Variants in LCOR observed in about 807,000 individuals in gnomAD.
LCOR encodes ligand dependent nuclear receptor corepressor.
A neutral mutation model predicts 64.4 loss-of-function variants in LCOR; 14 were observed. That is an observed-to-expected ratio of 0.22 (90% CI 0.14 to 0.34). LCOR has a LOEUF of 0.34. Among genes scored for constraint, LCOR ranks in the 10% least tolerant of loss-of-function variants. The probability of loss-of-function intolerance (pLI) is 1.00; values close to 1 mark genes in which losing one functional copy is unlikely to be tolerated. For synonymous variants in LCOR, 643 were observed against 642.5 expected (o/e 1.00, Z -0.01); for missense variants, 1,686 against 1,765.3 (o/e 0.96, Z 0.80).
intron 4 of LCOR, among the ~76,000 whole-genome samples, chr10:96,915,426 C>G (rs1408436047): frequency 6.6e-6 from 1 of 152,148 alleles, no homozygotes; most frequent in Non-Finnish European, 1.5e-5. Flanking sequence ...GAGGCTGAGG[C>G]AGGAGAATCA....
chr10:96,960,723 G>T (rs1203993548), intron 7 of LCOR: 1 of 152,090 alleles, frequency 6.6e-6, no homozygotes, highest in East Asian at 1.9e-4. Context: ...CAGCAGAACA[G>T]CCCGTTTAGG....
At chr10:96,892,379 G>A (rs1363782074) in intron 2 of LCOR, among the ~76,000 whole-genome samples, 1 of 151,988 alleles carries the variant, frequency 6.6e-6, no homozygotes, top group Non-Finnish European at 1.5e-5. Context: ...GCCTTTCTTA[G>A]TCCACTTGGG....
chr10:96,853,866 A>G (rs1845759212), intron 2 of LCOR, among the ~76,000 whole-genome samples: 1 of 152,236 alleles, frequency 6.6e-6, no homozygotes, highest in Admixed American at 6.5e-5. Context: ...TTCACAGGGC[A>G]GCAGGAGAGA....
intron 4 of LCOR, among the ~76,000 whole-genome samples, chr10:96,912,076 C>T (rs1478103637): frequency 6.6e-6 from 1 of 151,914 alleles, no homozygotes; most frequent in Non-Finnish European, 1.5e-5. Flanking sequence ...TTATTACAGA[C>T]ACATGCCACC....
chr10:96,855,369 A>AAAAT (rs1043528310), intron 2 of LCOR, among the ~76,000 whole-genome samples: 2 of 152,084 alleles, frequency 1.3e-5, no homozygotes, highest in African/African-American at 4.8e-5. Context: ...AGCCCATTTA[A>AAAAT]GTTGGGTTTT....
intron 2 of LCOR, among the ~76,000 whole-genome samples, chr10:96,877,659 T>G (rs901099184): frequency 8.3e-6 from 1 of 121,120 alleles, no homozygotes; most frequent in Admixed American, 1.1e-4. Flanking sequence ...TCACCCACGC[T>G]GGAGTGCAGT....
At chr10:96,921,764 C>G (rs1847085776) in intron 4 of LCOR, among the ~76,000 whole-genome samples, 1 of 152,186 alleles carries the variant, frequency 6.6e-6, no homozygotes. Context: ...GCCCCCAGCC[C>G]AGCTTCATTA....
At chr10:96,879,794 C>G (rs920969006) in intron 2 of LCOR, among the ~76,000 whole-genome samples, 1 of 152,126 alleles carries the variant, frequency 6.6e-6, no homozygotes, top group African/African-American at 2.4e-5. Context: ...CCTGAGTGTG[C>G]TAGGATTACA....
chr10:96,921,902 A>G (rs1461075401), intron 4 of LCOR, among the ~76,000 whole-genome samples: 2 of 152,148 alleles, frequency 1.3e-5, no homozygotes, highest in African/African-American at 2.4e-5. Context: ...TGGACTATCT[A>G]TTTCTGTTTC....
Position 96,920,489 on chromosome 10 carries a change from T to G in LCOR, c.-184+12742T>G, listed in dbSNP as rs530336098. Among the ~76,000 whole-genome samples the G allele has an allele frequency of 5.0e-3, 374 of 74,404 alleles. 9 individuals carry two copies. Among genetic ancestry groups the G allele is most frequent in the African/African-American group, 0.019 (273 of 14,162 alleles). The allele number at this position is 74,404 out of a possible 152,430, so 48.8% of individuals were successfully genotyped here. On this transcript the variant is annotated intron_variant, in intron 4 of 7. Transcript: ENST00000421806. Reference sequence around the variant, plus strand: ...ATATGTGTATATATATGTATATTCATATATATGTGTATATATGTATGTATA... The same window carrying G: ...ATATGTGTATATATATGTATATTCAGATATATGTGTATATATGTATGTATA...
At chr10:96,940,394 T>C (rs1204404256) in intron 4 of LCOR, among the ~76,000 whole-genome samples, 1 of 105,440 alleles carries the variant, frequency 9.5e-6, no homozygotes, top group Non-Finnish European at 1.8e-5. Flanking sequence ...AGGACAACAG[T>C]GGAGGGAAGG....
chr10:96,920,803 G>A (rs934980939), intron 4 of LCOR, among the ~76,000 whole-genome samples: 1 of 148,018 alleles, frequency 6.8e-6, no homozygotes, highest in Non-Finnish European at 1.5e-5. Context: ...CGCGGTGGGG[G>A]GGTGGTGGGC....
chr10:96,975,936 A>G (rs935587186), intron 7 of LCOR, among the ~76,000 whole-genome samples: 1 of 151,962 alleles, frequency 6.6e-6, no homozygotes, highest in African/African-American at 2.4e-5. Flanking sequence ...GGTTGCTTGA[A>G]CCCGGGAGGT....
intron 2 of LCOR, among the ~76,000 whole-genome samples, chr10:96,871,223 T>C (rs1263482318): frequency 1.3e-5 from 2 of 151,608 alleles, no homozygotes; most frequent in Non-Finnish European, 2.9e-5. Context: ...CTGGCTTTTT[T>C]TTTTTTTTCC....
At chr10:96,920,480 G>A (rs12777520) in intron 4 of LCOR, among the ~76,000 whole-genome samples, 17 of 133,684 alleles carry the variant, frequency 1.3e-4, no homozygotes, top group African/African-American at 2.1e-4. Context: ...GTATATATAT[G>A]TATATTCATA....
At chr10:96,949,991 C>T (rs2134524163) in intron 6 of LCOR, among the ~76,000 whole-genome samples, 1 of 152,210 alleles carries the variant, frequency 6.6e-6, no homozygotes, top group East Asian at 1.9e-4. Flanking sequence ...TTATTTTCTT[C>T]AGTAGATATT....
rs1371014065 is a variant in LCOR, at chr10:96,833,160, G to C, written c.-403-246G>C. 5 of 985,382 alleles carry C rather than the reference G, an allele frequency of 5.1e-6. No homozygotes were observed. The Admixed American group carries it at 3.1e-4, about 61-fold the overall frequency. 61.0% of individuals were successfully genotyped at this position (985,382 alleles called of 1,614,324 possible). A position where few individuals can be genotyped will look rare whatever the true frequency, so the allele number is the denominator to read the frequency against. On this transcript the variant is annotated intron_variant, in intron 1 of 7. Coordinates refer to ENST00000421806, the MANE Select transcript of LCOR (RefSeq NM_001346516.2). ...GTTCGGTGTCGTGCTGCGGGAGGAG[G>C]GGGTGGGACCGGGTCCGACCGAGGA... is the stretch of plus-strand genomic sequence containing the variant.
At chr10:96,891,027 G>T in intron 2 of LCOR, among the ~76,000 whole-genome samples, 1 of 152,016 alleles carries the variant, frequency 6.6e-6, no homozygotes, top group East Asian at 1.9e-4. Context: ...TTTGCTATCA[G>T]GGTAATACTA....
intron 2 of LCOR, among the ~76,000 whole-genome samples, chr10:96,889,484 T>G (rs1289425240): frequency 1.3e-5 from 2 of 152,190 alleles, no homozygotes; most frequent in East Asian, 1.9e-4. Flanking sequence ...CTTCTCACTT[T>G]AACCCCACAC....
Sources: allele counts gnomAD v4.1 joint callset (sites outside exome capture counted in the v4.1 genomes callset), GRCh38; gene constraint gnomAD v4.1.1; transcripts MANE v1.5; gene names NCBI Gene and HGNC (gene_info 2026-07-23, HGNC 2026-07-21).